Variants in SPAG16 observed in about 807,000 individuals in gnomAD.
SPAG16 encodes sperm-associated antigen 16 protein.
Under a neutral mutation model 80.4 loss-of-function variants are expected in SPAG16, and 86 were observed. The ratio of observed to expected loss-of-function variants is 1.07; its 90% CI spans 0.90 to 1.28. The LOEUF is 1.28. Ranked by LOEUF, SPAG16 falls within the 50% of genes most tolerant of loss-of-function variation. The pLI is 0.00. For missense variants in SPAG16, 870 were observed against 765.3 expected (o/e 1.14, Z -1.61); for synonymous variants, 294 against 265.9 (o/e 1.11, Z -1.03).
At chr2:213,567,297 A>T (rs2059805867) in intron 10 of SPAG16, among the ~76,000 whole-genome samples, 2 of 135,906 alleles carry the variant, frequency 1.5e-5, no homozygotes, top group South Asian at 2.4e-4. Context: ...TTAGTTACAT[A>T]TGTATACATG....
At chr2:214,204,528 G>A (rs2058090780) in intron 15 of SPAG16, among the ~76,000 whole-genome samples, 2 of 152,166 alleles carry the variant, frequency 1.3e-5, no homozygotes, top group Admixed American at 6.5e-5. Flanking sequence ...TACCCTGTAT[G>A]AGCCCAGAGA....
intron 11 of SPAG16, among the ~76,000 whole-genome samples, chr2:213,889,596 G>T (rs2106070221): frequency 6.7e-6 from 1 of 150,014 alleles, no homozygotes; most frequent in Non-Finnish European, 1.5e-5. Flanking sequence ...CAGCCTTGTT[G>T]CTCACACACA....
intron 15 of SPAG16, among the ~76,000 whole-genome samples, chr2:214,356,940 C>A (rs552923011): frequency 6.6e-6 from 1 of 151,970 alleles, no homozygotes; most frequent in East Asian, 1.9e-4. Flanking sequence ...CCATTCATCC[C>A]AAGTAATCTC....
At chr2:213,601,865 A>G (rs1413267489) in intron 10 of SPAG16, among the ~76,000 whole-genome samples, 1 of 152,164 alleles carries the variant, frequency 6.6e-6, no homozygotes, top group African/African-American at 2.4e-5. Context: ...GGCACTGGGG[A>G]CTAGTTTTGT....
intron 15 of SPAG16, among the ~76,000 whole-genome samples, chr2:214,329,832 A>G (rs1465883568): frequency 6.6e-6 from 1 of 152,188 alleles, no homozygotes; most frequent in Non-Finnish European, 1.5e-5. Flanking sequence ...AAGACTATAA[A>G]AAAATGCTTT....
intron 13 of SPAG16, among the ~76,000 whole-genome samples, chr2:214,105,281 G>A (rs1288574808): frequency 6.6e-6 from 1 of 152,078 alleles, no homozygotes; most frequent in African/African-American, 2.4e-5. Flanking sequence ...AAGTAAGGGT[G>A]GATATGTCAA....
chr2:214,265,739 A>G (rs1233687537), intron 15 of SPAG16, among the ~76,000 whole-genome samples: 4 of 151,860 alleles, frequency 2.6e-5, no homozygotes, highest in Non-Finnish European at 5.9e-5. Context: ...TGCCTTTTAC[A>G]TTTAGGTATA....
At chr2:214,034,140 T>C (rs2048562953) in intron 13 of SPAG16, among the ~76,000 whole-genome samples, 1 of 152,242 alleles carries the variant, frequency 6.6e-6, no homozygotes, top group Admixed American at 6.5e-5. Flanking sequence ...ACATTCACCT[T>C]ATGCAGGTTT....
chr2:214,135,245 T>C (rs187751380), intron 14 of SPAG16, among the ~76,000 whole-genome samples: 7 of 152,332 alleles, frequency 4.6e-5, no homozygotes, highest in Admixed American at 2.0e-4. Context: ...TTTTTCTTCC[T>C]CTTGGTCCAA....
At chr2:213,955,633 T>C (rs1321496899) in intron 12 of SPAG16, among the ~76,000 whole-genome samples, 1 of 152,162 alleles carries the variant, frequency 6.6e-6, no homozygotes, top group Non-Finnish European at 1.5e-5. Flanking sequence ...TTGTTCTTTT[T>C]TAAGATCACT....
intron 12 of SPAG16, among the ~76,000 whole-genome samples, chr2:213,943,640 G>T (rs1311661649): frequency 4.6e-5 from 7 of 152,130 alleles, no homozygotes; most frequent in Non-Finnish European, 1.0e-4. Flanking sequence ...TAGTTTTAAA[G>T]GATCAGCTTG....
intron 10 of SPAG16, among the ~76,000 whole-genome samples, chr2:213,602,434 C>T (rs970640589): frequency 6.6e-6 from 1 of 152,076 alleles, no homozygotes; most frequent in Non-Finnish European, 1.5e-5. Flanking sequence ...GAGATCAAGA[C>T]CATCCTGGCC....
At chr2:214,368,675 A>G (rs1313116364) in intron 15 of SPAG16, among the ~76,000 whole-genome samples, 1 of 152,060 alleles carries the variant, frequency 6.6e-6, no homozygotes, top group Non-Finnish European at 1.5e-5. Flanking sequence ...TATTACTATT[A>G]TCCTGAACGA....
intron 9 of SPAG16, among the ~76,000 whole-genome samples, chr2:213,425,754 T>A (rs1575559702): frequency 6.6e-6 from 1 of 152,320 alleles, no homozygotes; most frequent in East Asian, 1.9e-4. Flanking sequence ...ATTAACATTT[T>A]ATGAGATTTC....
intron 10 of SPAG16, among the ~76,000 whole-genome samples, chr2:213,820,806 T>C (rs1360130596): frequency 6.6e-6 from 1 of 152,116 alleles, no homozygotes; most frequent in Admixed American, 6.6e-5. Flanking sequence ...ATGTAATTAC[T>C]AATTGTATAA....
chr2:213,749,989 T>C (rs971875660), intron 10 of SPAG16, among the ~76,000 whole-genome samples: 1 of 152,228 alleles, frequency 6.6e-6, no homozygotes, highest in Admixed American at 6.5e-5. Context: ...TAAACCTATC[T>C]AGCCCTGTTG....
At chr2:214,404,598 TA>T (rs755702902) in intron 15 of SPAG16, among the ~76,000 whole-genome samples, 1 of 152,060 alleles carries the variant, frequency 6.6e-6, no homozygotes, top group Non-Finnish European at 1.5e-5. Context: ...CTAGTGTCTT[TA>T]AAAAAAGGAT....
At chr2:214,292,052 T>A (rs912504385) in intron 15 of SPAG16, among the ~76,000 whole-genome samples, 5 of 152,210 alleles carry the variant, frequency 3.3e-5, no homozygotes, top group African/African-American at 7.2e-5. Flanking sequence ...TGTTTTTTTT[T>A]AAAGCACTTT....
intron 15 of SPAG16, among the ~76,000 whole-genome samples, chr2:214,390,667 G>A (rs1701025934): frequency 6.6e-6 from 1 of 152,120 alleles, no homozygotes; most frequent in South Asian, 2.1e-4. Context: ...AATGGAGTGG[G>A]AGAGGCAGGG....
Sources: allele counts gnomAD v4.1 joint callset (sites outside exome capture counted in the v4.1 genomes callset), GRCh38; gene constraint gnomAD v4.1.1; transcripts MANE v1.5; gene names NCBI Gene and HGNC (gene_info 2026-07-23, HGNC 2026-07-21).